The following DDR2 variants were observed in gnomAD, a reference collection of about 807,000 sequenced individuals.
The protein encoded by DDR2 is discoidin domain receptor tyrosine kinase 2, also known as discoidin domain-containing receptor 2.
DDR2 carries 27 observed loss-of-function variants against 94.9 expected under a neutral mutation model. The observed-to-expected ratio is 0.28, with a 90% CI of 0.21 to 0.39. DDR2 has a LOEUF of 0.39. Ranked by LOEUF, DDR2 falls within the 10% of genes least tolerant of loss-of-function variation. The pLI, the probability that DDR2 is intolerant of heterozygous loss-of-function variation, is 1.00. For synonymous variants in DDR2, 382 were observed against 377.2 expected (o/e 1.01, Z -0.15); for missense variants, 783 against 1,076.0 (o/e 0.73, Z 3.81).
At chr1:162,743,182 C>T (rs1352352870) in intron 3 of DDR2, among the ~76,000 whole-genome samples, 2 of 152,004 alleles carry the variant, frequency 1.3e-5, no homozygotes, top group African/African-American at 4.8e-5. Flanking sequence ...GCTATCTTTC[C>T]CTTTTTTAGG....
At chr1:162,753,275 G>A in intron 4 of DDR2, 78 bp downstream of exon 4, 5 of 1,327,872 alleles carry the variant, frequency 3.8e-6, no homozygotes, top group Non-Finnish European at 5.4e-6. Context: ...GACCCTAGGG[G>A]CTGGGGAAGG....
chr1:162,740,046 T>A (rs991426054), intron 3 of DDR2, among the ~76,000 whole-genome samples: 5 of 152,052 alleles, frequency 3.3e-5, no homozygotes, highest in African/African-American at 1.2e-4. Flanking sequence ...CTTATTTACA[T>A]CTATCTCTAA....
intron 2 of DDR2, among the ~76,000 whole-genome samples, chr1:162,694,873 T>C (rs1660114698): frequency 6.6e-6 from 1 of 152,232 alleles, no homozygotes; most frequent in African/African-American, 2.4e-5. Flanking sequence ...TAATTTTGTG[T>C]TCCATAATTT....
intron 1 of DDR2, among the ~76,000 whole-genome samples, chr1:162,644,461 C>T (rs1172202026): frequency 6.6e-6 from 1 of 152,150 alleles, no homozygotes; most frequent in Non-Finnish European, 1.5e-5. Flanking sequence ...GTTACAAATG[C>T]ATGATTCAGC....
At chr1:162,691,149 G>A (rs1458659142) in intron 2 of DDR2, among the ~76,000 whole-genome samples, 1 of 152,174 alleles carries the variant, frequency 6.6e-6, no homozygotes, top group Non-Finnish European at 1.5e-5. Flanking sequence ...TCCTTTAGTG[G>A]CCTTGTGAGT....
rs139533122 is a variant in DDR2, at chr1:162,735,320, C to T, written c.82+16175C>T. ...GAGTCGAGGAAGAGGGGAGCGCTGA[C>T]ATGTGTAACAAGTTATTTACATGAA... is the stretch of plus-strand genomic sequence containing the variant. On this transcript the variant is annotated intron_variant, in intron 3 of 17. Transcript: ENST00000367921. Among the ~76,000 whole-genome samples the T allele has an allele frequency of 2.1e-3, 318 of 152,288 alleles. 1 individual carries two copies. The highest frequency in any genetic ancestry group is 3.7e-3 in the Non-Finnish European group (252 of 68,024).
intron 2 of DDR2, among the ~76,000 whole-genome samples, chr1:162,713,051 T>G (rs562699479): frequency 6.6e-6 from 1 of 152,284 alleles, no homozygotes; most frequent in East Asian, 1.9e-4. Context: ...ACTTTTCTAT[T>G]GTCAAAAGGA....
At chr1:162,673,187 AG>A (rs1290140027) in intron 2 of DDR2, among the ~76,000 whole-genome samples, 1 of 152,186 alleles carries the variant, frequency 6.6e-6, no homozygotes. Flanking sequence ...ATCATTAAAA[AG>A]TTTGTGCACA....
At chr1:162,663,154 T>C (rs1658389574) in intron 2 of DDR2, among the ~76,000 whole-genome samples, 1 of 152,216 alleles carries the variant, frequency 6.6e-6, no homozygotes. Context: ...CTGGCCTGTA[T>C]GTATCTTTTC....
rs576580416 is a variant in DDR2, at chr1:162,640,288, C to G, written c.-192+7657C>G. On this transcript the variant is annotated intron_variant, in intron 1 of 17. Coordinates refer to ENST00000367921, the MANE Select transcript of DDR2 (RefSeq NM_006182.4). ...AACTCCTGACCTCATGATCTGCCCC[C>G]CTCAGCCTCCCAACGTGCTGGGATT... 5.0e-3 allele frequency among the ~76,000 whole-genome samples: 755 copies of G among 152,254 alleles called. 7 individuals are homozygous for G. Among genetic ancestry groups the G allele is most frequent in the Middle Eastern group, 0.024 (7 of 294 alleles).
chr1:162,703,791 A>AT (rs1482260992), intron 2 of DDR2, among the ~76,000 whole-genome samples: 8 of 151,924 alleles, frequency 5.3e-5, no homozygotes, highest in African/African-American at 1.7e-4. Flanking sequence ...CGTCTAATGG[A>AT]TTTTTCCCCA....
Position 162,640,188 on chromosome 1 carries a change from T to C in DDR2, c.-192+7557T>C, listed in dbSNP as rs552426705. Reference sequence around the variant, plus strand: ...TCCTGAGTAGCTGGGATTACAGGCGTGTGCTATCACGCCCAACTAATTTTT... The same window carrying C: ...TCCTGAGTAGCTGGGATTACAGGCGCGTGCTATCACGCCCAACTAATTTTT... On this transcript the variant is annotated intron_variant, in intron 1 of 17. Transcript: ENST00000367921. Among the ~76,000 whole-genome samples the C allele has an allele frequency of 1.5e-3, 232 of 152,092 alleles. 4 individuals carry two copies. The highest frequency in any genetic ancestry group is 5.2e-3 in the African/African-American group (217 of 41,474).
chr1:162,638,858 T>TA (rs1656973273), intron 1 of DDR2, among the ~76,000 whole-genome samples: 1 of 152,172 alleles, frequency 6.6e-6, no homozygotes, highest in Non-Finnish European at 1.5e-5. Flanking sequence ...ATGGACATAA[T>TA]AACGCTAAAA....
chr1:162,707,158 T>C (rs1258202933), intron 2 of DDR2, among the ~76,000 whole-genome samples: 10 of 152,162 alleles, frequency 6.6e-5, no homozygotes, highest in Admixed American at 6.5e-4. Flanking sequence ...AGTGTCTGTA[T>C]GTCCCTGGGC....
At chr1:162,665,787 AG>A (rs1199237783) in intron 2 of DDR2, among the ~76,000 whole-genome samples, 2 of 152,198 alleles carry the variant, frequency 1.3e-5, no homozygotes, top group Admixed American at 1.3e-4. Context: ...GATACATAAG[AG>A]GAGAAGGATA....
rs115841137 is a variant in DDR2, at chr1:162,661,718, C to T, written c.-28+6344C>T. 4.0e-3 allele frequency among the ~76,000 whole-genome samples: 606 copies of T among 152,314 alleles called. 5 individuals carry two copies. Among genetic ancestry groups the T allele is most frequent in the African/African-American group, 0.014 (573 of 41,568 alleles). ...GTAATCACTGGAGGATGTGGGCACT[C>T]TGCTCTGCTCTGCAAGTCTTGGAGA... On this transcript the variant is annotated intron_variant, in intron 2 of 17. Coordinates refer to ENST00000367921, the MANE Select transcript of DDR2 (RefSeq NM_006182.4).
chr1:162,698,491 T>G (rs1660288937), intron 2 of DDR2, among the ~76,000 whole-genome samples: 1 of 152,196 alleles, frequency 6.6e-6, no homozygotes, highest in Non-Finnish European at 1.5e-5. Flanking sequence ...ACACTCTCCC[T>G]TCTCCTTTAT....
At chr1:162,741,364 G>A (rs1042917035) in intron 3 of DDR2, among the ~76,000 whole-genome samples, 33 of 146,544 alleles carry the variant, frequency 2.3e-4, no homozygotes, top group Non-Finnish European at 3.6e-4. Flanking sequence ...TCCAAAATCC[G>A]AAATGCTCTA....
rs1418839415 is a variant in DDR2 at position 162,786,022 on chromosome 1, T to C, written c.*5776T>C. Reference sequence around the variant, plus strand: ...TGTCAGGTGCCTTGCAGGAAAATAATCTGAGTCCCAAGCTAGCCTGTGCTC... The same window carrying C: ...TGTCAGGTGCCTTGCAGGAAAATAACCTGAGTCCCAAGCTAGCCTGTGCTC... On this transcript the variant is annotated 3_prime_UTR_variant, in exon 18 of 18. Transcript: ENST00000367921. The C allele has an allele frequency of 6.6e-6, 1 of 152,196 alleles. No homozygotes were observed. The highest frequency in any genetic ancestry group is 1.5e-5 in the Non-Finnish European group (1 of 68,030). 9.4% of individuals were successfully genotyped at this position (152,196 alleles called of 1,614,324 possible). A position where few individuals can be genotyped will look rare whatever the true frequency, so the allele number is the denominator to read the frequency against.
Sources: allele counts gnomAD v4.1 joint callset (sites outside exome capture counted in the v4.1 genomes callset), GRCh38; gene constraint gnomAD v4.1.1; transcripts MANE v1.5; gene names NCBI Gene and HGNC (gene_info 2026-07-23, HGNC 2026-07-21).